HPSE: variants seen among roughly 807,000 people sequenced by gnomAD.
HPSE encodes the protein endo-glucoronidase.
A neutral mutation model predicts 65.1 loss-of-function variants in HPSE; 48 were observed. The ratio of observed to expected loss-of-function variants is 0.74; its 90% CI spans 0.58 to 0.94. HPSE has a LOEUF of 0.94. Among genes scored for constraint, HPSE ranks in the 40% least tolerant of loss-of-function variants. HPSE has a pLI of 0.00. For missense variants in HPSE, 644 were observed against 637.5 expected, an observed-to-expected ratio of 1.01 and a Z score of -0.11; for synonymous variants, 243 against 260.0, an observed-to-expected ratio of 0.93 and a Z score of 0.63.
intron 11 of HPSE, among the ~76,000 whole-genome samples, chr4:83,298,387 A>C (rs1443046258): frequency 6.6e-6 from 1 of 152,208 alleles, no homozygotes; most frequent in East Asian, 1.9e-4. Context: ...CTGTAATCCC[A>C]GCACTTTGGG....
intron 8 of HPSE, 139 bp downstream of exon 8, chr4:83,308,706 C>T (rs1736243652): frequency 1.5e-6 from 1 of 648,694 alleles, no homozygotes; most frequent in Non-Finnish European, 2.8e-6. Flanking sequence ...CATTTTCTTG[C>T]AAAATCTGGC....
chr4:83,308,321 G>A (rs1446580158), intron 8 of HPSE, among the ~76,000 whole-genome samples: 6 of 152,104 alleles, frequency 3.9e-5, no homozygotes, highest in African/African-American at 9.7e-5. Context: ...CAGGAGAATC[G>A]CTTCAATCCG....
chr4:83,310,175 G>A (rs1339844234), intron 5 of HPSE, 97 bp from the exon 6 acceptor site: 3 of 749,222 alleles, frequency 4.0e-6, no homozygotes, highest in Admixed American at 2.5e-5. Flanking sequence ...GCTGGTTACT[G>A]CTTTAGGATC....
intron 3 of HPSE, among the ~76,000 whole-genome samples, chr4:83,314,984 C>T (rs28579124): frequency 4.6e-5 from 7 of 151,842 alleles, no homozygotes; most frequent in Admixed American, 1.3e-4. Context: ...GGTGAAACCC[C>T]GTCTCTACTA....
rs1000290582 is a variant in HPSE at position 83,294,940 on chromosome 4, A to T, written c.*404T>A. The T allele has an allele frequency of 2.0e-5, 3 of 152,332 alleles. No homozygotes were observed. The highest frequency in any genetic ancestry group is 7.2e-5 in the African/African-American group (3 of 41,436). The allele number at this position is 152,332 out of a possible 1,614,324, so 9.4% of individuals were successfully genotyped here. A position where few individuals can be genotyped will look rare whatever the true frequency, so the allele number is the denominator to read the frequency against. On this transcript the variant is annotated 3_prime_UTR_variant, in exon 12 of 12. Coordinates refer to ENST00000311412, the MANE Select transcript of HPSE (RefSeq NM_001098540.3). ...AGAAAGTAGCTGGGCGTGGTGGCAC[A>T]CGCCTATAATCCCAGCTACTCAGGA...
Position 83,302,561 on chromosome 4 carries a change from G to A in HPSE, c.1207-293C>T, listed in dbSNP as rs144443104. Among the ~76,000 whole-genome samples, 401 of 152,208 alleles carry A rather than the reference G, an allele frequency of 2.6e-3. 3 individuals carry two copies. The highest frequency in any genetic ancestry group is 0.01 in the Middle Eastern group (3 of 294). Reference sequence around the variant, plus strand: ...CAGAGTTTAAGTATTCTTGGTTATCGTTCATCCAAGAATTCAAAGCAAAGC... The same window carrying A: ...CAGAGTTTAAGTATTCTTGGTTATCATTCATCCAAGAATTCAAAGCAAAGC... On this transcript the variant is annotated intron_variant, in intron 9 of 11. Coordinates refer to ENST00000311412, the MANE Select transcript of HPSE (RefSeq NM_001098540.3).
chr4:83,328,229 A>T (rs773947908), intron 1 of HPSE, among the ~76,000 whole-genome samples: 18 of 152,220 alleles, frequency 1.2e-4, no homozygotes, highest in Non-Finnish European at 2.2e-4. Flanking sequence ...AATTCAAGGT[A>T]GTGGCAGGGC....
chr4:83,319,484 G>C lies in HPSE; in HGVS notation c.374-15C>G. 10 of 1,612,174 alleles carry C rather than the reference G, an allele frequency of 6.2e-6. No homozygotes were observed. Among genetic ancestry groups the C allele is most frequent in the Non-Finnish European group, 8.5e-6 (10 of 1,178,624 alleles). On this transcript the variant is annotated splice_polypyrimidine_tract_variant and intron_variant, in intron 2 of 11. Coordinates refer to ENST00000311412, the MANE Select transcript of HPSE (RefSeq NM_001098540.3). ...TTTGCAAATATCTGCAAGTGGAAGAGATCATTTAGAAGGTCTGTTTTCACA... is the reference window on the plus strand; with the variant it reads ...TTTGCAAATATCTGCAAGTGGAAGACATCATTTAGAAGGTCTGTTTTCACA...
intron 1 of HPSE, among the ~76,000 whole-genome samples, chr4:83,331,304 C>A (rs1420939025): frequency 2.0e-5 from 3 of 151,902 alleles, no homozygotes; most frequent in Non-Finnish European, 4.4e-5. Context: ...ATAATAAATA[C>A]CTCATTAATA....
At chr4:83,334,502 A>G in intron 1 of HPSE, 54 bp downstream of exon 1, 7 of 1,506,694 alleles carry the variant, frequency 4.6e-6, no homozygotes, top group Non-Finnish European at 6.2e-6. Flanking sequence ...GGCGGGGCAG[A>G]CATAGGTGTC....
chr4:83,309,066 A>G lies in HPSE; in HGVS notation c.985-115T>C, dbSNP rs1387081258. ...TTGTATTCCTAGACCCACCCCTCCT[A>G]TATAGTTATAAAATATGTTCATAGT... On this transcript the variant is annotated intron_variant, in intron 7 of 11. Coordinates refer to ENST00000311412, the MANE Select transcript of HPSE (RefSeq NM_001098540.3). 8.4e-6 allele frequency: 6 copies of G among 715,038 alleles called. No homozygotes were observed. In the East Asian group the frequency reaches 1.6e-4, roughly 19 times the overall value. The allele number at this position is 715,038 out of a possible 1,614,324, so 44.3% of individuals were successfully genotyped here. A position where few individuals can be genotyped will look rare whatever the true frequency, so the allele number is the denominator to read the frequency against.
In HPSE at chr4:83,292,849, A is replaced by C. The variant is rs1391562063; in HGVS notation, c.*2495T>G. On this transcript the variant is annotated 3_prime_UTR_variant, in exon 12 of 12. Coordinates refer to ENST00000311412, the MANE Select transcript of HPSE (RefSeq NM_001098540.3). ...TACACAGTGGTATAAGGGATGTTGG[A>C]GACTCAGAAGGGAAGAGGGCGGAAG... 6.6e-6 allele frequency: 1 copy of C among 152,212 alleles called. No individual in the cohort carries two copies. Among genetic ancestry groups the C allele is most frequent in the East Asian group, 1.9e-4 (1 of 5,200 alleles). 9.4% of individuals were successfully genotyped at this position (152,212 alleles called of 1,614,324 possible). A position where few individuals can be genotyped will look rare whatever the true frequency, so the allele number is the denominator to read the frequency against.
intron 11 of HPSE, among the ~76,000 whole-genome samples, chr4:83,299,549 T>C (rs1433637648): frequency 1.3e-5 from 2 of 151,968 alleles, no homozygotes; most frequent in African/African-American, 4.8e-5. Context: ...CAGTACCCAG[T>C]GTAAATAATG....
Position 83,334,671 on chromosome 4 carries a change from C to G in HPSE, c.112G>C (p.Val38Leu). Reference sequence around the variant, plus strand: ...TGGGTGAAGAAGTCCAGGTCCACGACGTCCTGTGCTTGCGCAGGTCGGGGC... The same window carrying G: ...TGGGTGAAGAAGTCCAGGTCCACGAGGTCCTGTGCTTGCGCAGGTCGGGGC... ...ALPRPAQAQD[V>L]VDLDFFTQEP... Residue 38 changes from valine (V) to leucine (L), a missense_variant, in exon 1 of 12, where the codon GTC becomes CTC. Physicochemically the swap from Val to Leu is conservative, Grantham distance 32. Coordinates refer to ENST00000311412, the MANE Select transcript of HPSE (RefSeq NM_001098540.3). 1 of 1,576,948 alleles carries G rather than the reference C, an allele frequency of 6.3e-7. No individual in the cohort carries two copies. The highest frequency in any genetic ancestry group is 8.6e-7 in the Non-Finnish European group (1 of 1,161,252).
chr4:83,316,899 T>G (rs189410729), intron 3 of HPSE, among the ~76,000 whole-genome samples: 1 of 152,210 alleles, frequency 6.6e-6, no homozygotes, highest in East Asian at 1.9e-4. Context: ...TGTTTGTTTG[T>G]TTTTTGTTTT....
chr4:83,334,869 G>A, upstream of HPSE: 1 of 1,435,820 alleles, frequency 7.0e-7, no homozygotes, highest in Non-Finnish European at 9.1e-7. Context: ...GAGCCCCAGC[G>A]CCCTTTTCTC....
chr4:83,308,138 T>C (rs980078930), intron 8 of HPSE, among the ~76,000 whole-genome samples: 1 of 151,200 alleles, frequency 6.6e-6, no homozygotes, highest in African/African-American at 2.4e-5. Flanking sequence ...CCGGGCGTGG[T>C]GGCTCATGTC....
intron 1 of HPSE, among the ~76,000 whole-genome samples, chr4:83,330,971 G>A (rs541495834): frequency 4.6e-5 from 7 of 152,296 alleles, no homozygotes; most frequent in African/African-American, 7.2e-5. Context: ...TTGGGAGGCC[G>A]AGGTGGGCAT....
chr4:83,314,891 C>A (rs913888456), intron 3 of HPSE, among the ~76,000 whole-genome samples: 1 of 152,084 alleles, frequency 6.6e-6, no homozygotes, highest in African/African-American at 2.4e-5. Flanking sequence ...TGCAGTGGCT[C>A]ATGCCTGTAA....
Sources: allele counts gnomAD v4.1 joint callset (sites outside exome capture counted in the v4.1 genomes callset), GRCh38; gene constraint gnomAD v4.1.1; transcripts MANE v1.5; gene names NCBI Gene and HGNC (gene_info 2026-07-23, HGNC 2026-07-21).